CADM3: variants seen among roughly 807,000 people sequenced by gnomAD.
The protein encoded by CADM3 is TSLC1-like 1.
Under a neutral mutation model 44.9 loss-of-function variants are expected in CADM3, and 11 were observed. That is an observed-to-expected ratio of 0.25 (90% CI 0.15 to 0.41). CADM3 has a LOEUF of 0.41. CADM3 is among the 10% of genes least tolerant of loss of function. The pLI, the probability that CADM3 is intolerant of heterozygous loss-of-function variation, is 1.00. For missense variants in CADM3, 426 were observed against 512.0 expected, an observed-to-expected ratio of 0.83 and a Z score of 1.62; for synonymous variants, 207 against 205.2, an observed-to-expected ratio of 1.01 and a Z score of -0.08.
chr1:159,179,624 GTTTCATAT>G (rs1317042273), intron 1 of CADM3, among the ~76,000 whole-genome samples: 2 of 152,130 alleles, frequency 1.3e-5, no homozygotes, highest in African/African-American at 4.8e-5. Flanking sequence ...GCAGATTCTT[GTTTCATAT>G]TTTACTTTTA....
rs1649688476 is a variant in CADM3 at position 159,192,063 on chromosome 1, T to C, written c.216T>C (p.Phe72=). The change falls in exon 2 of 9, where the codon TTT becomes TTC. Residue 72 remains phenylalanine, a synonymous_variant. Coordinates refer to ENST00000368125, the MANE Select transcript of CADM3 (RefSeq NM_001127173.3). ...WSNPAQQTLY[F]GEKRALRDNR... is the part of the protein sequence containing the mutation. Reference sequence around the variant, plus strand: ...ACCCTGCTCAGCAGACTCTCTACTTTGGGGAGAAGAGAGGTAGTATCTCAT... The same window carrying C: ...ACCCTGCTCAGCAGACTCTCTACTTCGGGGAGAAGAGAGGTAGTATCTCAT... The C allele has an allele frequency of 1.9e-6, 3 of 1,613,912 alleles. No individual in the cohort carries two copies. The highest frequency in any genetic ancestry group is 2.5e-6 in the Non-Finnish European group (3 of 1,180,018).
chr1:159,191,866 G>A lies in CADM3; in HGVS notation c.89-70G>A, dbSNP rs1649675968. 4 of 1,587,198 alleles carry A rather than the reference G, an allele frequency of 2.5e-6. No homozygotes were observed. The African/African-American group carries it at 4.0e-5, about 16-fold the overall frequency. On this transcript the variant is annotated intron_variant, in intron 1 of 8. Coordinates refer to ENST00000368125, the MANE Select transcript of CADM3 (RefSeq NM_001127173.3). ...TTGGATGGTCTGAACTAGATGAGGT[G>A]TACTTTGGCTCAGAAATGGGAGGAG...
intron 1 of CADM3, among the ~76,000 whole-genome samples, chr1:159,191,346 G>T (rs999335733): frequency 2.0e-5 from 3 of 152,162 alleles, no homozygotes; most frequent in African/African-American, 7.2e-5. Context: ...GGAAGTTATT[G>T]TTAGACGAAT....
intron 1 of CADM3, among the ~76,000 whole-genome samples, chr1:159,181,702 T>C (rs1426063932): frequency 6.6e-6 from 1 of 152,188 alleles, no homozygotes; most frequent in Non-Finnish European, 1.5e-5. Flanking sequence ...AACTCAGTAT[T>C]GGCTACAGAG....
chr1:159,203,068 A>G lies in CADM3; in HGVS notation c.*2146A>G, dbSNP rs974594203. The G allele has an allele frequency of 3.3e-5, 5 of 151,670 alleles. No individual in the cohort carries two copies. Among genetic ancestry groups the G allele is most frequent in the Admixed American group, 3.3e-4 (5 of 15,244 alleles). 9.4% of individuals were successfully genotyped at this position (151,670 alleles called of 1,614,324 possible). On this transcript the variant is annotated 3_prime_UTR_variant, in exon 9 of 9. Transcript: ENST00000368125. The stretch of plus-strand genomic sequence containing the variant: ...GAAGGGAGCAGGGAGGGGACCGTGT[A>G]TCTTTATAATCTTTCTAACTCTCCT...
chr1:159,181,144 CTGTTA>C (rs1045752519), intron 1 of CADM3, among the ~76,000 whole-genome samples: 4 of 152,164 alleles, frequency 2.6e-5, no homozygotes, highest in East Asian at 1.9e-4. Context: ...GCGTTTGACT[CTGTTA>C]TGTTTCCTTT....
intron 4 of CADM3, 76 bp from the exon 5 acceptor site, chr1:159,193,794 A>T: frequency 1.3e-6 from 2 of 1,572,510 alleles, no homozygotes. Flanking sequence ...TGAGGCCCAC[A>T]TGATATCTGT....
chr1:159,200,652 A>G (rs1650145797), intron 8 of CADM3, 152 bp from the exon 9 acceptor site: 6 of 552,846 alleles, frequency 1.1e-5, no homozygotes, highest in Non-Finnish European at 2.0e-5. Context: ...TTGGAAGCAA[A>G]ATGCGAATTA....
rs960530119 is a variant in CADM3, at chr1:159,202,462, T to A, written c.*1540T>A. 6.6e-6 allele frequency: 1 copy of A among 152,632 alleles called. No individual in the cohort carries two copies. The highest frequency in any genetic ancestry group is 6.5e-5 in the Admixed American group (1 of 15,284). The allele number at this position is 152,632 out of a possible 1,614,324, so 9.5% of individuals were successfully genotyped here. A position where few individuals can be genotyped will look rare whatever the true frequency, so the allele number is the denominator to read the frequency against. On this transcript the variant is annotated 3_prime_UTR_variant, in exon 9 of 9. Transcript: ENST00000368125. ...GCACCTCTCAGGCCTCTCCTTGGCGTTGACCCTGGAAAGACCTACCACCAC... is the reference window on the plus strand; with the variant it reads ...GCACCTCTCAGGCCTCTCCTTGGCGATGACCCTGGAAAGACCTACCACCAC...
chr1:159,183,046 A>G (rs1362274191), intron 1 of CADM3, among the ~76,000 whole-genome samples: 3 of 152,174 alleles, frequency 2.0e-5, no homozygotes, highest in Non-Finnish European at 4.4e-5. Flanking sequence ...CACCATTCCC[A>G]AAGCAGAAAA....
chr1:159,179,020 A>C (rs957625822), intron 1 of CADM3, among the ~76,000 whole-genome samples: 1 of 152,174 alleles, frequency 6.6e-6, no homozygotes, highest in Non-Finnish European at 1.5e-5. Context: ...AGGACAGGTA[A>C]TGAGAGTGAT....
chr1:159,187,963 T>G (rs1019978004), intron 1 of CADM3, among the ~76,000 whole-genome samples: 1 of 151,874 alleles, frequency 6.6e-6, no homozygotes, highest in African/African-American at 2.4e-5. Context: ...CTCTCTTTTA[T>G]CGACAGTTCC....
At chr1:159,189,549 C>T (rs1649561123) in intron 1 of CADM3, among the ~76,000 whole-genome samples, 1 of 152,196 alleles carries the variant, frequency 6.6e-6, no homozygotes, top group Non-Finnish European at 1.5e-5. Context: ...TAAAAGTTAG[C>T]ATCCTCCTTT....
intron 1 of CADM3, chr1:159,189,909 G>T: frequency 7.0e-7 from 1 of 1,426,818 alleles, no homozygotes; most frequent in Non-Finnish European, 9.7e-7. Context: ...ATGTCCCTCA[G>T]TTCCCTCACT....
intron 7 of CADM3, 63 bp from the exon 8 acceptor site, chr1:159,199,688 T>A: frequency 1.2e-6 from 2 of 1,611,754 alleles, no homozygotes; most frequent in Non-Finnish European, 1.7e-6. Flanking sequence ...CATGGCCAAG[T>A]TGGAATGCTA....
intron 1 of CADM3, among the ~76,000 whole-genome samples, chr1:159,172,233 T>C (rs567795123): frequency 3.3e-5 from 5 of 152,142 alleles, no homozygotes; most frequent in Admixed American, 6.5e-5. Flanking sequence ...TCAGTGTGTG[T>C]TGGGGGCGGA....
intron 1 of CADM3, among the ~76,000 whole-genome samples, chr1:159,182,372 T>C (rs1284908521): frequency 6.6e-6 from 1 of 152,168 alleles, no homozygotes; most frequent in African/African-American, 2.4e-5. Flanking sequence ...AGAGTGGGTG[T>C]CAGCGGAAAT....
chr1:159,191,025 G>A (rs1649637256), intron 1 of CADM3, among the ~76,000 whole-genome samples: 1 of 152,198 alleles, frequency 6.6e-6, no homozygotes, highest in Non-Finnish European at 1.5e-5. Context: ...AATCCATGCT[G>A]TGGGGAACAA....
chr1:159,193,772 G>A (rs747301639), intron 4 of CADM3, 98 bp from the exon 5 acceptor site: 2 of 1,519,762 alleles, frequency 1.3e-6, no homozygotes, highest in Non-Finnish European at 1.8e-6. Flanking sequence ...CTCACCATCT[G>A]TACGTCTACA....
Sources: gnomAD v4.1 joint callset for allele counts (sites outside exome capture counted in the v4.1 genomes callset) on GRCh38, gnomAD v4.1.1 for gene constraint, MANE v1.5 for transcripts, NCBI Gene and HGNC (gene_info 2026-07-23, HGNC 2026-07-21) for gene names.